Variants in RGS22 observed in about 807,000 individuals in gnomAD.
RGS22 encodes the protein regulator of G protein signaling 22, also known as regulator of G-protein signaling 22.
A neutral mutation model predicts 172.9 loss-of-function variants in RGS22; 148 were observed. That is an observed-to-expected ratio of 0.86 (90% CI 0.75 to 0.98). The LOEUF is 0.98. Ranked by LOEUF, RGS22 falls within the 50% of genes least tolerant of loss-of-function variation. The pLI is 0.00. For synonymous variants in RGS22, 458 were observed against 480.2 expected (o/e 0.95, Z 0.60); for missense variants, 1,347 against 1,440.8 (o/e 0.93, Z 1.05).
chr8:100,020,911 C>T (rs960612719), intron 14 of RGS22, among the ~76,000 whole-genome samples: 1 of 152,172 alleles, frequency 6.6e-6, no homozygotes, highest in Admixed American at 6.5e-5. Context: ...GGTGCTACTG[C>T]ACATCTCTTC....
intron 20 of RGS22, among the ~76,000 whole-genome samples, chr8:99,987,956 T>C (rs1813288075): frequency 6.6e-6 from 1 of 151,776 alleles, no homozygotes; most frequent in African/African-American, 2.4e-5. Flanking sequence ...ATCATAATGT[T>C]ATGATTATAT....
Position 100,052,927 on chromosome 8 carries a change from C to G in RGS22, c.1564G>C (p.Ala522Pro). Residue 522 changes from alanine to proline, a missense_variant, in exon 10 of 28, where the codon GCT becomes CCT. Transcript: ENST00000360863. The part of the protein sequence containing the change: ...THSASTKYAS[A>P]ELKFWHLRQA... ...CGGAGGTGCCAGAATTTCAGTTCAGCACTAGCATATTTTGTTGAGGCTGAA... is the reference window on the plus strand; with the variant it reads ...CGGAGGTGCCAGAATTTCAGTTCAGGACTAGCATATTTTGTTGAGGCTGAA... 1 of 1,614,024 alleles carries G rather than the reference C, an allele frequency of 6.2e-7. No individual in the cohort carries two copies. Among genetic ancestry groups the G allele is most frequent in the Non-Finnish European group, 8.5e-7 (1 of 1,179,996 alleles).
chr8:100,068,281 G>A (rs1452755513), intron 6 of RGS22, among the ~76,000 whole-genome samples: 1 of 152,106 alleles, frequency 6.6e-6, no homozygotes, highest in Non-Finnish European at 1.5e-5. Context: ...CCAGCTGGGA[G>A]GCTGAGGCGG....
chr8:99,996,006 C>T (rs893291293), intron 20 of RGS22, among the ~76,000 whole-genome samples: 1 of 149,268 alleles, frequency 6.7e-6, no homozygotes, highest in Admixed American at 6.9e-5. Flanking sequence ...CAAACTATCA[C>T]AAGGACAGAA....
intron 11 of RGS22, among the ~76,000 whole-genome samples, chr8:100,044,780 C>T (rs1563660168): frequency 6.6e-6 from 1 of 152,136 alleles, no homozygotes; most frequent in Non-Finnish European, 1.5e-5. Flanking sequence ...GCTTCAACTA[C>T]CCACTGAAGT....
chr8:100,063,740 A>G lies in RGS22; in HGVS notation c.1028T>C (p.Ile343Thr), dbSNP rs1316379781. Residue 343 changes from isoleucine (I) to threonine (T), a missense_variant, in exon 8 of 28, where the codon ATA becomes ACA. By Grantham distance (89) the Ile-to-Thr change is moderately conservative. Coordinates refer to ENST00000360863, the MANE Select transcript of RGS22 (RefSeq NM_015668.5). ...CACTTTTGTTATATTGTTGAAGTTT[A>G]TATAGTCTGGGGTTTCTCCAACTGG... is the stretch of plus-strand genomic sequence containing the variant. The part of the protein sequence containing the change: ...GKPVGETPDY[I>T]NFNNITKVSF... 1 of 1,614,098 alleles carries G rather than the reference A, an allele frequency of 6.2e-7. No homozygotes were observed.
intron 10 of RGS22, among the ~76,000 whole-genome samples, chr8:100,047,880 T>C (rs1441896600): frequency 6.6e-6 from 1 of 152,200 alleles, no homozygotes; most frequent in South Asian, 2.1e-4. Flanking sequence ...AGAAAGAACA[T>C]TGTAAAAACG....
At chr8:99,972,436 A>G (rs1563559356) in intron 23 of RGS22, among the ~76,000 whole-genome samples, 1 of 152,190 alleles carries the variant, frequency 6.6e-6, no homozygotes, top group Non-Finnish European at 1.5e-5. Flanking sequence ...CTGCACAGCA[A>G]AAGAAACTAC....
Position 99,996,405 on chromosome 8 carries a change from A to G in RGS22, c.3018+57T>C. On this transcript the variant is annotated intron_variant, in intron 20 of 27. Coordinates refer to ENST00000360863, the MANE Select transcript of RGS22 (RefSeq NM_015668.5). ...TTTTGAACAAGAAAGGGAAAGAAAA[A>G]CAATACTTTGACAGAGCAAAACTTA... 4.2e-6 allele frequency: 6 copies of G among 1,437,354 alleles called. No individual in the cohort carries two copies. The South Asian group carries it at 7.0e-5, about 17-fold the overall frequency. 89.0% of individuals were successfully genotyped at this position (1,437,354 alleles called of 1,614,324 possible).
intron 3 of RGS22, among the ~76,000 whole-genome samples, chr8:100,086,756 G>A (rs1287621848): frequency 2.0e-5 from 3 of 152,056 alleles, no homozygotes; most frequent in South Asian, 2.1e-4. Flanking sequence ...GGTCCCCTCC[G>A]TATAACAAAA....
intron 14 of RGS22, among the ~76,000 whole-genome samples, chr8:100,014,341 TAA>T (rs1472083853): frequency 6.6e-6 from 1 of 152,208 alleles, no homozygotes; most frequent in Non-Finnish European, 1.5e-5. Context: ...TCTCTCATTC[TAA>T]AACGTTTTTC....
At chr8:100,018,267 A>T (rs1817224027) in intron 14 of RGS22, among the ~76,000 whole-genome samples, 1 of 152,164 alleles carries the variant, frequency 6.6e-6, no homozygotes, top group Non-Finnish European at 1.5e-5. Flanking sequence ...ACAGTACTGA[A>T]ATTCTGGGAG....
At chr8:100,075,184 A>C (rs1811263425) in intron 4 of RGS22, among the ~76,000 whole-genome samples, 1 of 152,116 alleles carries the variant, frequency 6.6e-6, no homozygotes, top group Admixed American at 6.6e-5. Flanking sequence ...TCTCATACTG[A>C]ATGTGATCCC....
At chr8:100,067,749 C>G (rs374904890) in intron 6 of RGS22, among the ~76,000 whole-genome samples, 251 of 151,540 alleles carry the variant, frequency 1.7e-3, no homozygotes, top group South Asian at 0.015. Flanking sequence ...CTCAGCCTCC[C>G]GAGTAGCTGG....
At chr8:100,035,362 C>T (rs934939298) in intron 14 of RGS22, among the ~76,000 whole-genome samples, 5 of 152,204 alleles carry the variant, frequency 3.3e-5, no homozygotes, top group Non-Finnish European at 7.3e-5. Context: ...AAAACATGCT[C>T]ATCATCACTG....
intron 4 of RGS22, among the ~76,000 whole-genome samples, chr8:100,078,368 C>T (rs1811511515): frequency 6.6e-6 from 1 of 151,138 alleles, no homozygotes; most frequent in Non-Finnish European, 1.5e-5. Context: ...CCTCCTAAAG[C>T]TCTGGAATCA....
chr8:99,985,964 C>T (rs578092158), intron 21 of RGS22, among the ~76,000 whole-genome samples: 74 of 152,022 alleles, frequency 4.9e-4, no homozygotes, highest in African/African-American at 1.6e-3. Flanking sequence ...TTTCTAATCT[C>T]AAAAAAATTA....
intron 2 of RGS22, among the ~76,000 whole-genome samples, chr8:100,103,955 T>C (rs1813701836): frequency 6.6e-6 from 1 of 152,170 alleles, no homozygotes; most frequent in Non-Finnish European, 1.5e-5. Context: ...TCAGAAATGC[T>C]CACCTCCTGC....
intron 14 of RGS22, among the ~76,000 whole-genome samples, chr8:100,023,201 C>CA (rs985524605): frequency 6.6e-6 from 1 of 152,124 alleles, no homozygotes; most frequent in Non-Finnish European, 1.5e-5. Flanking sequence ...TGTTTACCAG[C>CA]ACACCATCTT....
Sources: allele counts gnomAD v4.1 joint callset (sites outside exome capture counted in the v4.1 genomes callset), GRCh38; gene constraint gnomAD v4.1.1; transcripts MANE v1.5; gene names NCBI Gene and HGNC (gene_info 2026-07-23, HGNC 2026-07-21).